CARMIL1: variants seen among roughly 807,000 people sequenced by gnomAD.
CARMIL1 encodes F-actin-uncapping protein LRRC16A.
Under a neutral mutation model 177.1 loss-of-function variants are expected in CARMIL1, and 90 were observed. That is an observed-to-expected ratio of 0.51 (90% CI 0.43 to 0.61). The LOEUF (loss-of-function observed/expected upper bound fraction) is 0.61, where lower values mean the gene tolerates loss of function less well. CARMIL1 is among the 20% of genes least tolerant of loss of function. CARMIL1 has a pLI of 0.00. For missense variants in CARMIL1, 1,380 were observed against 1,667.0 expected (o/e 0.83, Z 3.00); for synonymous variants, 577 against 606.2 (o/e 0.95, Z 0.71).
intron 5 of CARMIL1, among the ~76,000 whole-genome samples, chr6:25,445,552 T>G (rs79516360): frequency 4.6e-5 from 7 of 150,682 alleles, no homozygotes; most frequent in African/African-American, 1.7e-4. Context: ...TTTTTTTTTT[T>G]GAGTTGTTGT....
At chr6:25,548,443 C>T (rs564228250) in intron 26 of CARMIL1, among the ~76,000 whole-genome samples, 6 of 152,082 alleles carry the variant, frequency 3.9e-5, no homozygotes, top group East Asian at 1.9e-4. Context: ...TATATTCAGG[C>T]GGAAAAGTTT....
chr6:25,365,465 T>A (rs184612031), intron 2 of CARMIL1, among the ~76,000 whole-genome samples: 2 of 152,226 alleles, frequency 1.3e-5, no homozygotes, highest in Non-Finnish European at 2.9e-5. Context: ...AATGCATACA[T>A]TTCTATTTAT....
In CARMIL1 at chr6:25,491,727, T is replaced by G; in HGVS notation, c.1066-5T>G. The G allele has an allele frequency of 6.4e-7, 1 of 1,563,734 alleles. No individual in the cohort carries two copies. Among genetic ancestry groups the G allele is most frequent in the Non-Finnish European group, 8.7e-7 (1 of 1,147,068 alleles). On this transcript the variant is annotated splice_polypyrimidine_tract_variant and splice_region_variant and intron_variant, in intron 13 of 36. Coordinates refer to ENST00000329474, the MANE Select transcript of CARMIL1 (RefSeq NM_017640.6). ...CCTAACATTTATCTTTTATTTTTTT[T>G]CAAGCACATGTATAATTTTTTGGCC...
At chr6:25,527,672 G>A (rs1268336343) in intron 23 of CARMIL1, 3 of 445,858 alleles carry the variant, frequency 6.7e-6, no homozygotes, top group Non-Finnish European at 1.3e-5. Flanking sequence ...CTTTAATGAT[G>A]TTTCATTTCA....
At chr6:25,490,623 G>A (rs553828454) in intron 13 of CARMIL1, among the ~76,000 whole-genome samples, 75 of 152,024 alleles carry the variant, frequency 4.9e-4, no homozygotes, top group African/African-American at 1.8e-3. Flanking sequence ...GCTTGATGCC[G>A]GGAAGTGGAG....
chr6:25,301,425 A>G (rs74338119), intron 2 of CARMIL1, among the ~76,000 whole-genome samples: 4,251 of 152,268 alleles, frequency 0.028, 70 homozygotes, highest in Non-Finnish European at 0.038. Context: ...AGTATGTTTT[A>G]GTTTTCTAGA....
At chr6:25,435,851 A>C (rs1238633867) in intron 5 of CARMIL1, among the ~76,000 whole-genome samples, 1 of 152,176 alleles carries the variant, frequency 6.6e-6, no homozygotes, top group Admixed American at 6.5e-5. Context: ...TTAACTTCTC[A>C]TAAGACTAAA....
At chr6:25,409,741 C>A (rs773996486) in intron 2 of CARMIL1, among the ~76,000 whole-genome samples, 5 of 152,118 alleles carry the variant, frequency 3.3e-5, no homozygotes, top group Non-Finnish European at 7.3e-5. Context: ...CATTTGCATG[C>A]GAGTACCATG....
intron 2 of CARMIL1, among the ~76,000 whole-genome samples, chr6:25,310,093 A>G (rs1561966094): frequency 6.6e-6 from 1 of 151,772 alleles, no homozygotes; most frequent in Admixed American, 6.6e-5. Context: ...CTATTCCTTC[A>G]CTAATAGATT....
At chr6:25,317,812 G>T (rs1420314527) in intron 2 of CARMIL1, among the ~76,000 whole-genome samples, 4 of 151,846 alleles carry the variant, frequency 2.6e-5, no homozygotes, top group Non-Finnish European at 5.9e-5. Flanking sequence ...TCACCCGTCC[G>T]CATTATCCTC....
chr6:25,431,240 T>A (rs1436085340), intron 4 of CARMIL1, among the ~76,000 whole-genome samples: 1 of 148,776 alleles, frequency 6.7e-6, no homozygotes, highest in Admixed American at 6.8e-5. Context: ...ACTTTTTGTT[T>A]TAGCTTTTAA....
intron 2 of CARMIL1, among the ~76,000 whole-genome samples, chr6:25,333,745 G>GA (rs386406548): frequency 1.6e-4 from 18 of 113,384 alleles, no homozygotes; most frequent in African/African-American, 5.6e-4. Context: ...TCATTTTTTT[G>GA]TAGTCATAGT....
chr6:25,601,047 G>A (rs1883260), intron 33 of CARMIL1, among the ~76,000 whole-genome samples: 110 of 151,938 alleles, frequency 7.2e-4, no homozygotes, highest in African/African-American at 2.2e-3. Context: ...ACTTCCTGCC[G>A]TCTGGTAACC....
At chr6:25,548,311 C>A (rs1464375740) in intron 26 of CARMIL1, among the ~76,000 whole-genome samples, 4 of 152,166 alleles carry the variant, frequency 2.6e-5, no homozygotes. Flanking sequence ...AATTTCTCAC[C>A]TAGTTTAATA....
At chr6:25,529,806 G>C (rs1315932472) in intron 24 of CARMIL1, among the ~76,000 whole-genome samples, 1 of 148,532 alleles carries the variant, frequency 6.7e-6, no homozygotes, top group East Asian at 1.9e-4. Context: ...CTATGAACAG[G>C]AGTAGTCAGA....
intron 29 of CARMIL1, among the ~76,000 whole-genome samples, chr6:25,570,005 G>T (rs1562295416): frequency 6.6e-6 from 1 of 151,560 alleles, no homozygotes; most frequent in African/African-American, 2.4e-5. Context: ...ACGGAGTCTC[G>T]CTCTGTGGCC....
At chr6:25,528,920 T>G (rs1392305202) in intron 24 of CARMIL1, 27 bp downstream of exon 24, 1 of 1,549,696 alleles carries the variant, frequency 6.5e-7, no homozygotes, top group African/African-American at 1.4e-5. Context: ...CTGTGACTTC[T>G]CCTTCTATTC....
chr6:25,523,384 T>A (rs1381342383), intron 23 of CARMIL1, among the ~76,000 whole-genome samples: 2 of 152,208 alleles, frequency 1.3e-5, no homozygotes, highest in African/African-American at 4.8e-5. Flanking sequence ...CATAAATTAA[T>A]ACATGTAATC....
At chr6:25,295,625 G>C (rs1175521217) in intron 2 of CARMIL1, among the ~76,000 whole-genome samples, 1 of 152,012 alleles carries the variant, frequency 6.6e-6, no homozygotes, top group Non-Finnish European at 1.5e-5. Flanking sequence ...TGTTCTCTTT[G>C]CTTGGATCCG....
Sources: gnomAD v4.1 joint callset for allele counts (sites outside exome capture counted in the v4.1 genomes callset) on GRCh38, gnomAD v4.1.1 for gene constraint, MANE v1.5 for transcripts, NCBI Gene and HGNC (gene_info 2026-07-23, HGNC 2026-07-21) for gene names.